Variants in DHX34 observed in about 807,000 individuals in gnomAD.
DHX34 encodes the protein probable ATP-dependent RNA helicase DHX34.
Under a neutral mutation model 111.1 loss-of-function variants are expected in DHX34, and 96 were observed. The ratio of observed to expected loss-of-function variants is 0.86; its 90% confidence interval spans 0.73 to 1.02. The LOEUF is 1.02. Ranked by LOEUF, DHX34 falls within the 50% of genes least tolerant of loss-of-function variation. The pLI, the probability that DHX34 is intolerant of heterozygous loss-of-function variation, is 0.00. For synonymous variants in DHX34, 688 were observed against 670.4 expected (o/e 1.03, Z -0.41); for missense variants, 1,560 against 1,579.9 (o/e 0.99, Z 0.21).
intron 13 of DHX34, 105 bp from the exon 14 acceptor site, chr19:47,379,605 T>A: frequency 6.7e-7 from 1 of 1,492,676 alleles, no homozygotes; most frequent in Non-Finnish European, 8.9e-7. Flanking sequence ...ATGCCTCACA[T>A]AGACAGGGCT....
intron 5 of DHX34, among the ~76,000 whole-genome samples, chr19:47,361,553 TG>T (rs1396026578): frequency 6.6e-6 from 1 of 150,902 alleles, no homozygotes; most frequent in Non-Finnish European, 1.5e-5. Flanking sequence ...CTGAGGCAGG[TG>T]GATCACCTGA....
At position 47,382,065 on chromosome 19, in the gene DHX34, C is replaced by G; in HGVS notation, c.3384C>G (p.Phe1128Leu). 1 of 1,614,124 alleles carries G rather than the reference C, an allele frequency of 6.2e-7. No individual in the cohort carries two copies. Among genetic ancestry groups the G allele is most frequent in the East Asian group, 2.2e-5 (1 of 44,880 alleles). ...ACTGCGAGGCCTGCGGGAAGGACTT[C>G]CTCTTTACACCCACAGAGGTGCTGC... is the stretch of plus-strand genomic sequence containing the variant. ...PYHCEACGKD[F>L]LFTPTEVLRH... The change falls in exon 17 of 17, where the codon TTC becomes TTG. Residue 1128 changes from phenylalanine (F) to leucine (L), a missense_variant. By Grantham distance (22) the Phe-to-Leu change is conservative. Coordinates refer to ENST00000328771, the MANE Select transcript of DHX34 (RefSeq NM_014681.6).
At chr19:47,367,474 T>C (rs567724613) in intron 7 of DHX34, among the ~76,000 whole-genome samples, 3 of 151,408 alleles carry the variant, frequency 2.0e-5, no homozygotes, top group East Asian at 3.9e-4. Flanking sequence ...GAATGGGGAG[T>C]TGCAGTTTGT....
chr19:47,366,412 TTGAGATTACAGGCACTCGCCACCACACC>T (rs1969786657), intron 6 of DHX34, among the ~76,000 whole-genome samples: 1 of 149,792 alleles, frequency 6.7e-6, no homozygotes, highest in African/African-American at 2.5e-5. Flanking sequence ...TCCCAAGTAG[TTGAGATTACAGGCACTCGCCACCACACC>T]TGGCTAATTT....
In DHX34 at chr19:47,379,727, C is replaced by A. The variant is rs780733450; in HGVS notation, c.2724C>A (p.Ser908Arg). 1.3e-6 allele frequency: 2 copies of A among 1,598,232 alleles called. No individual in the cohort carries two copies. The highest frequency in any genetic ancestry group is 1.7e-6 in the Non-Finnish European group (2 of 1,167,196). ...TCTTTCAGTCCCTCCTGCTTTTTAG[C>A]CGGTCTTTGGACACCAATGGTGACT... ...IPALQSLLLFSRSLDTNGDCS... is the reference protein window; with the variant it reads ...IPALQSLLLFRRSLDTNGDCS... Residue 908 changes from serine to arginine, a missense_variant, in exon 14 of 17, where the codon AGC becomes AGA. Ser to Arg is a moderately radical substitution (Grantham distance 110). Coordinates refer to ENST00000328771, the MANE Select transcript of DHX34 (RefSeq NM_014681.6).
intron 8 of DHX34, 65 bp from the exon 9 acceptor site, chr19:47,373,534 C>A: frequency 1.3e-6 from 2 of 1,560,056 alleles, no homozygotes; most frequent in East Asian, 2.4e-5. Flanking sequence ...TCTGGGTGCT[C>A]GGTCAGCCCC....
At chr19:47,380,330 T>C (rs1417959855) in intron 14 of DHX34, among the ~76,000 whole-genome samples, 1 of 152,102 alleles carries the variant, frequency 6.6e-6, no homozygotes, top group Non-Finnish European at 1.5e-5. Context: ...AGAACTGAAC[T>C]GAGCAGACTT....
At chr19:47,370,378 C>G (rs1190784101) in intron 7 of DHX34, among the ~76,000 whole-genome samples, 9 of 152,218 alleles carry the variant, frequency 5.9e-5, no homozygotes. Flanking sequence ...CCCCGCACCC[C>G]TCTCTTGCGG....
rs533574046 is a variant in DHX34, at chr19:47,379,900, TGGAGGAGGA to T, written c.2907_2915del (p.Glu969_Glu971del). 2.2e-4 allele frequency: 356 copies of T among 1,612,156 alleles called. No individual in the cohort carries two copies. The African/African-American group carries it at 4.3e-3, about 20-fold the overall frequency. On this transcript the variant is annotated inframe_deletion, in exon 14 of 17. Coordinates refer to ENST00000328771, the MANE Select transcript of DHX34 (RefSeq NM_014681.6). ...CTGGCGCACCAGGCCCAGCAGCAGCTGGAGGAGGAGGAGGAGGATACGCCAGTCAGCCCC... is the reference window on the plus strand; with the variant it reads ...CTGGCGCACCAGGCCCAGCAGCAGCTGGAGGAGGATACGCCAGTCAGCCCC...
chr19:47,358,155 G>T (rs1364118981), intron 4 of DHX34, 35 bp downstream of exon 4: 8 of 1,589,376 alleles, frequency 5.0e-6, no homozygotes, highest in African/African-American at 1.3e-5. Context: ...CAGGCGGGGG[G>T]TCTGCATGAG....
At chr19:47,351,171 CTTTTTTTTT>C (rs955543104) in intron 1 of DHX34, among the ~76,000 whole-genome samples, 62 of 93,094 alleles carry the variant, frequency 6.7e-4, no homozygotes, top group African/African-American at 2.1e-3. Flanking sequence ...TTTTCTTTTT[CTTTTTTTTT>C]TTTTTTTTTT....
intron 2 of DHX34, among the ~76,000 whole-genome samples, chr19:47,354,659 C>CT (rs1419242189): frequency 1.3e-5 from 2 of 151,646 alleles, no homozygotes; most frequent in Non-Finnish European, 2.9e-5. Context: ...TTTGCTTTTT[C>CT]TTTTTTTTGA....
intron 3 of DHX34, among the ~76,000 whole-genome samples, chr19:47,355,673 C>A (rs1412508730): frequency 6.6e-6 from 1 of 151,928 alleles, no homozygotes; most frequent in East Asian, 1.9e-4. Context: ...ATGGTGAAAC[C>A]CCATCTCTAC....
chr19:47,351,654 C>T (rs930631736), intron 1 of DHX34, among the ~76,000 whole-genome samples: 4 of 152,130 alleles, frequency 2.6e-5, no homozygotes, highest in Admixed American at 6.6e-5. Context: ...TCAAACTTGC[C>T]TGATTATGAT....
intron 1 of DHX34, among the ~76,000 whole-genome samples, chr19:47,351,166 T>TTTTTC: frequency 2.4e-5 from 3 of 127,332 alleles, no homozygotes; most frequent in South Asian, 2.3e-4. Flanking sequence ...TCTCATTTTC[T>TTTTTC]TTTTCTTTTT....
At chr19:47,377,008 T>C (rs757352264) in intron 12 of DHX34, 92 bp from the exon 13 acceptor site, 1 of 1,595,740 alleles carries the variant, frequency 6.3e-7, no homozygotes, top group African/African-American at 1.3e-5. Context: ...ACTCTTTCTA[T>C]CGATGTGTAC....
At chr19:47,349,581 A>G (rs1325594046) in intron 1 of DHX34, among the ~76,000 whole-genome samples, 1 of 152,180 alleles carries the variant, frequency 6.6e-6, no homozygotes, top group African/African-American at 2.4e-5. Context: ...TGGAGGCACG[A>G]AAAGAAGCTT....
chr19:47,381,640 C>T, intron 16 of DHX34: 1 of 584,098 alleles, frequency 1.7e-6, no homozygotes, highest in Non-Finnish European at 2.9e-6. Context: ...CTGCCTTGGT[C>T]ACCTCCACCC....
In DHX34 at chr19:47,355,363, C is replaced by G; in HGVS notation, c.1017+13C>G. ...GTTCCCCATCACGGTGAGTACTTCCCCCTCCTCCCACATCCCCAGACCTCC... is the reference window on the plus strand; with the variant it reads ...GTTCCCCATCACGGTGAGTACTTCCGCCTCCTCCCACATCCCCAGACCTCC... On this transcript the variant is annotated intron_variant, in intron 3 of 16. Transcript: ENST00000328771. 6.2e-7 allele frequency: 1 copy of G among 1,606,238 alleles called. No homozygotes were observed.
Sources: gnomAD v4.1 joint callset for allele counts (sites outside exome capture counted in the v4.1 genomes callset) on GRCh38, gnomAD v4.1.1 for gene constraint, MANE v1.5 for transcripts, NCBI Gene and HGNC (gene_info 2026-07-23, HGNC 2026-07-21) for gene names.